Variants in SGCZ observed in about 807,000 individuals in gnomAD.
SGCZ encodes the protein zeta-sarcoglycan.
A neutral mutation model predicts 41.3 loss-of-function variants in SGCZ; 40 were observed. The ratio of observed to expected loss-of-function variants is 0.97; its 90% CI spans 0.75 to 1.26. The LOEUF (loss-of-function observed/expected upper bound fraction) is 1.26, where lower values mean the gene tolerates loss of function less well. Among genes scored for constraint, SGCZ ranks in the 50% most tolerant of loss-of-function variants. SGCZ has a pLI of 0.00. For missense variants in SGCZ, 552 were observed against 369.8 expected (o/e 1.49, Z -4.04); for synonymous variants, 206 against 137.5 (o/e 1.50, Z -3.49).
chr8:14,226,660 G>C (rs1181329608), intron 4 of SGCZ, among the ~76,000 whole-genome samples: 1 of 152,096 alleles, frequency 6.6e-6, no homozygotes, highest in Non-Finnish European at 1.5e-5. Context: ...GAGCTGCTGT[G>C]AATATCTATA....
chr8:14,257,905 G>GAT (rs1372527901), intron 3 of SGCZ, among the ~76,000 whole-genome samples: 4 of 152,112 alleles, frequency 2.6e-5, no homozygotes, highest in African/African-American at 9.7e-5. Flanking sequence ...AAACTGGAAA[G>GAT]ATATAGATAT....
chr8:14,939,691 T>A (rs924403233), intron 1 of SGCZ, among the ~76,000 whole-genome samples: 3 of 152,114 alleles, frequency 2.0e-5, no homozygotes, highest in African/African-American at 7.2e-5. Context: ...TCATAAAAAT[T>A]CATCACCAGT....
chr8:14,742,058 T>G (rs1383283832), intron 1 of SGCZ, among the ~76,000 whole-genome samples: 1 of 152,074 alleles, frequency 6.6e-6, no homozygotes, highest in South Asian at 2.1e-4. Flanking sequence ...AAATGATAAC[T>G]GGAGTATAGT....
At chr8:14,300,245 A>G (rs533328517) in intron 3 of SGCZ, among the ~76,000 whole-genome samples, 3 of 151,906 alleles carry the variant, frequency 2.0e-5, no homozygotes, top group African/African-American at 7.2e-5. Context: ...AGCTAAATAC[A>G]GGAAGGAAGG....
At chr8:14,964,996 G>C (rs1203615140) in intron 1 of SGCZ, among the ~76,000 whole-genome samples, 1 of 152,038 alleles carries the variant, frequency 6.6e-6, no homozygotes, top group Non-Finnish European at 1.5e-5. Context: ...TACCCACTCA[G>C]TTCTAATCCA....
At chr8:14,292,036 T>G (rs1405208850) in intron 3 of SGCZ, among the ~76,000 whole-genome samples, 1 of 152,022 alleles carries the variant, frequency 6.6e-6, no homozygotes, top group Admixed American at 6.6e-5. Flanking sequence ...TACTGGGCAA[T>G]GTAATAGGTG....
In SGCZ at chr8:14,577,266, C is replaced by G. The variant is rs138216789; in HGVS notation, c.40-22340G>C. On this transcript the variant is annotated intron_variant, in intron 1 of 7. Coordinates refer to ENST00000382080, the MANE Select transcript of SGCZ (RefSeq NM_139167.4). ...AACAACTTACTGCTGTTTTTCTGCT[C>G]GAATACAAGTATGTCATAAATATTT... 3.1e-3 allele frequency among the ~76,000 whole-genome samples: 476 copies of G among 151,822 alleles called. 4 individuals carry two copies. The highest frequency in any genetic ancestry group is 0.011 in the African/African-American group (457 of 41,396).
chr8:14,802,281 T>C (rs539506020), intron 1 of SGCZ, among the ~76,000 whole-genome samples: 1 of 152,186 alleles, frequency 6.6e-6, no homozygotes, highest in Non-Finnish European at 1.5e-5. Context: ...TGCTTCCCCA[T>C]GAATAAATCA....
intron 4 of SGCZ, among the ~76,000 whole-genome samples, chr8:14,210,479 T>C (rs1309261807): frequency 6.6e-6 from 1 of 151,888 alleles, no homozygotes; most frequent in Non-Finnish European, 1.5e-5. Context: ...TTTTTTTTTT[T>C]TAAACAGAGT....
chr8:14,461,273 A>C, intron 2 of SGCZ, among the ~76,000 whole-genome samples: 2 of 152,118 alleles, frequency 1.3e-5, no homozygotes, highest in East Asian at 3.9e-4. Context: ...ATCCTCTTCA[A>C]CTGAAATGGC....
Position 14,674,306 on chromosome 8 carries a change from C to T in SGCZ, c.40-119380G>A, listed in dbSNP as rs562111820. ...TCAAGTTTGTTTAAGGAAACTATTT[C>T]TTTTCTTTTAGTTAAAAGATAAGAG... On this transcript the variant is annotated intron_variant, in intron 1 of 7. Transcript: ENST00000382080. 2.6e-5 allele frequency among the ~76,000 whole-genome samples: 4 copies of T among 151,882 alleles called. No homozygotes were observed. The South Asian group carries it at 8.3e-4, about 32-fold the overall frequency.
intron 3 of SGCZ, among the ~76,000 whole-genome samples, chr8:14,267,262 A>G (rs572042721): frequency 1.3e-5 from 2 of 152,084 alleles, no homozygotes. Flanking sequence ...AACAAGTATT[A>G]TATGTCATAA....
intron 1 of SGCZ, among the ~76,000 whole-genome samples, chr8:15,229,332 C>CTAAT (rs1801876324): frequency 6.6e-6 from 1 of 152,134 alleles, no homozygotes; most frequent in South Asian, 2.1e-4. Context: ...TTTATTACCA[C>CTAAT]TAATTCTTTA....
chr8:14,535,419 A>G (rs555891110), intron 2 of SGCZ, among the ~76,000 whole-genome samples: 2 of 152,054 alleles, frequency 1.3e-5, no homozygotes, highest in East Asian at 3.9e-4. Flanking sequence ...ATAAGAAAAA[A>G]GGTTACATCT....
At position 14,482,474 on chromosome 8, in the gene SGCZ, A is replaced by G. The variant is rs184608966; in HGVS notation, c.234+72258T>C. On this transcript the variant is annotated intron_variant, in intron 2 of 7. Coordinates refer to ENST00000382080, the MANE Select transcript of SGCZ (RefSeq NM_139167.4). Reference sequence around the variant, plus strand: ...CTTTAATCTCCCTTACCGCTCTCAGAAACAAAATCATTTTGTTTTCTTATC... The same window carrying G: ...CTTTAATCTCCCTTACCGCTCTCAGGAACAAAATCATTTTGTTTTCTTATC... 2.6e-3 allele frequency among the ~76,000 whole-genome samples: 389 copies of G among 152,282 alleles called. 3 individuals carry two copies. The highest frequency in any genetic ancestry group is 9.1e-4 in the Non-Finnish European group (62 of 68,036).
intron 1 of SGCZ, among the ~76,000 whole-genome samples, chr8:15,044,746 T>C (rs1333497482): frequency 1.3e-5 from 2 of 152,194 alleles, no homozygotes; most frequent in African/African-American, 2.4e-5. Context: ...AGTTAATTAG[T>C]TCCCCTGTGG....
intron 1 of SGCZ, among the ~76,000 whole-genome samples, chr8:14,642,600 T>C (rs895541905): frequency 1.8e-4 from 27 of 151,700 alleles, no homozygotes; most frequent in African/African-American, 6.0e-4. Flanking sequence ...GCAAATATTT[T>C]TCTTCCAAAT....
At chr8:15,131,166 G>A (rs1236414494) in intron 1 of SGCZ, among the ~76,000 whole-genome samples, 1 of 152,098 alleles carries the variant, frequency 6.6e-6, no homozygotes, top group East Asian at 1.9e-4. Context: ...GTTTGTCTGT[G>A]TCCCCACCCA....
intron 2 of SGCZ, among the ~76,000 whole-genome samples, chr8:14,497,913 T>A (rs73529027): frequency 0.011 from 1,724 of 152,326 alleles, 33 homozygotes; most frequent in African/African-American, 0.039. Flanking sequence ...TTCCAAAATG[T>A]TTACAACCAT....
Sources: gnomAD v4.1 joint callset for allele counts (sites outside exome capture counted in the v4.1 genomes callset) on GRCh38, gnomAD v4.1.1 for gene constraint, MANE v1.5 for transcripts, NCBI Gene and HGNC (gene_info 2026-07-23, HGNC 2026-07-21) for gene names.